SMG1: variants seen among roughly 807,000 people sequenced by gnomAD.
The protein encoded by SMG1 is serine/threonine-protein kinase SMG1.
Under a neutral mutation model 419.9 loss-of-function variants are expected in SMG1, and 22 were observed. The observed-to-expected ratio is 0.05, with a 90% CI of 0.04 to 0.07. The LOEUF is 0.07. SMG1 is among the 10% of genes least tolerant of loss of function. The pLI is 1.00. For missense variants in SMG1, 3,185 were observed against 4,342.0 expected (o/e 0.73, Z 7.49); for synonymous variants, 1,538 against 1,553.5 (o/e 0.99, Z 0.23).
intron 1 of SMG1, among the ~76,000 whole-genome samples, chr16:18,916,089 A>AAAAC (rs2037963310): frequency 1.8e-5 from 2 of 110,236 alleles, no homozygotes; most frequent in Admixed American, 9.5e-5. Context: ...AAAAAAAAAA[A>AAAAC]CCAGAAAAAA....
At chr16:18,881,711 G>C (rs1450769219) in intron 10 of SMG1, among the ~76,000 whole-genome samples, 1 of 151,914 alleles carries the variant, frequency 6.6e-6, no homozygotes, top group African/African-American at 2.4e-5. Flanking sequence ...TTTTTAATTT[G>C]TTTATGTTCT....
At position 18,841,646 on chromosome 16, in the gene SMG1, G is replaced by T. The variant is rs1449528279; in HGVS notation, c.6615C>A (p.Ile2205=). Residue 2205 remains isoleucine, a synonymous_variant, in exon 41 of 63, where the codon ATC becomes ATA. Transcript: ENST00000446231. The part of the protein sequence containing the change: ...VTPLGTRSGL[I]QWVDGATPLF... ...AGGGTGTGGCTCCATCTACCCACTGGATTAGTCCTGATCTTGTTCCTAGTG... is the reference window on the plus strand; with the variant it reads ...AGGGTGTGGCTCCATCTACCCACTGTATTAGTCCTGATCTTGTTCCTAGTG... The T allele has an allele frequency of 1.2e-6, 2 of 1,613,870 alleles. No homozygotes were observed. The highest frequency in any genetic ancestry group is 4.5e-5 in the East Asian group (2 of 44,892).
At position 18,815,281 on chromosome 16, in the gene SMG1, A is replaced by G; in HGVS notation, c.10515T>C (p.Ser3505=). Residue 3505 remains serine, a splice_region_variant and synonymous_variant, in exon 60 of 63, where the codon AGT becomes AGC. Coordinates refer to ENST00000446231, the MANE Select transcript of SMG1 (RefSeq NM_015092.5). ...TLKELKTQSQ[S]IYNNLVSFAS... ...CAAAACTCACTAAATTATTATAGAT[A>G]CTGAAATACAAAATAAAATGGCTTA... 6.4e-7 allele frequency: 1 copy of G among 1,566,572 alleles called. No homozygotes were observed. The highest frequency in any genetic ancestry group is 8.7e-7 in the Non-Finnish European group (1 of 1,152,820).
intron 60 of SMG1, among the ~76,000 whole-genome samples, chr16:18,813,111 G>A (rs866929466): frequency 3.2e-4 from 48 of 151,920 alleles, no homozygotes; most frequent in South Asian, 1.5e-3. Flanking sequence ...GCTATTGTGA[G>A]TAGTGCCGCA....
At chr16:18,816,259 T>A (rs2031989321) in intron 58 of SMG1, 43 bp downstream of exon 58, 1 of 1,454,528 alleles carries the variant, frequency 6.9e-7, no homozygotes, top group African/African-American at 1.4e-5. Context: ...GTAAATTTTA[T>A]AACAGAGGGA....
chr16:18,857,668 T>A (rs939110474), intron 29 of SMG1: 1 of 152,206 alleles, frequency 6.6e-6, no homozygotes, highest in African/African-American at 2.4e-5. Flanking sequence ...CTCAAAGACT[T>A]GCACATGAAT....
chr16:18,863,949 T>C, intron 24 of SMG1, 53 bp downstream of exon 24: 1 of 1,551,994 alleles, frequency 6.4e-7, no homozygotes, highest in Non-Finnish European at 8.7e-7. Flanking sequence ...AGATCATCAG[T>C]ACGAAATATA....
chr16:18,851,626 T>C (rs570343058), intron 33 of SMG1, among the ~76,000 whole-genome samples: 1 of 152,330 alleles, frequency 6.6e-6, no homozygotes, highest in Non-Finnish European at 1.5e-5. Context: ...AGTAGTGTGA[T>C]CTCACTGCAA....
At chr16:18,917,154 T>C (rs60356797) in intron 1 of SMG1, among the ~76,000 whole-genome samples, 2 of 151,392 alleles carry the variant, frequency 1.3e-5, no homozygotes, top group Non-Finnish European at 3.0e-5. Flanking sequence ...TTAATTTATT[T>C]ATTTATTTAT....
At chr16:18,876,460 A>C (rs1235329358) in intron 12 of SMG1, 67 bp from the exon 13 acceptor site, 4 of 1,479,172 alleles carry the variant, frequency 2.7e-6, no homozygotes, top group Non-Finnish European at 3.7e-6. Flanking sequence ...TATGGAAAAT[A>C]AATCACTATC....
At chr16:18,855,548 G>C (rs2034849903) in intron 29 of SMG1, among the ~76,000 whole-genome samples, 1 of 152,064 alleles carries the variant, frequency 6.6e-6, no homozygotes, top group Non-Finnish European at 1.5e-5. Flanking sequence ...ATGCCAAATG[G>C]AGCTCATTTT....
chr16:18,885,888 G>A (rs1305180150), intron 6 of SMG1, among the ~76,000 whole-genome samples: 1 of 151,996 alleles, frequency 6.6e-6, no homozygotes, highest in Non-Finnish European at 1.5e-5. Context: ...AGAGGTTGCA[G>A]TGAGCTGAGA....
chr16:18,819,173 A>C (rs2032292891), intron 56 of SMG1, among the ~76,000 whole-genome samples: 1 of 152,238 alleles, frequency 6.6e-6, no homozygotes, highest in African/African-American at 2.4e-5. Flanking sequence ...TAATATTCCA[A>C]GTACCTTTCC....
Position 18,841,041 on chromosome 16 carries a change from C to CA in SMG1, c.6696+523dup, listed in dbSNP as rs555684103. ...TACCACTGCACTCTAGCCTGGACAA[C>CA]AGAGCAAGACCCTGTCCCTTTAAAA... On this transcript the variant is annotated intron_variant, in intron 41 of 62. Coordinates refer to ENST00000446231, the MANE Select transcript of SMG1 (RefSeq NM_015092.5). Among the ~76,000 whole-genome samples the CA allele has an allele frequency of 3.9e-4, 59 of 152,156 alleles. No individual in the cohort carries two copies. The East Asian group carries it at 0.011, about 28-fold the overall frequency.
At chr16:18,885,453 G>A (rs2036573128) in intron 7 of SMG1, 88 bp downstream of exon 7, 1 of 1,484,030 alleles carries the variant, frequency 6.7e-7, no homozygotes. Flanking sequence ...AGGAGCTGAG[G>A]CATTGTTTTC....
intron 18 of SMG1, 44 bp from the exon 19 acceptor site, chr16:18,870,038 A>T: frequency 7.1e-7 from 1 of 1,401,516 alleles, no homozygotes; most frequent in Non-Finnish European, 9.7e-7. Flanking sequence ...ATTTTAGCTT[A>T]AAAGGTTAGC....
In SMG1 at chr16:18,914,964, A is replaced by T. The variant is rs536814391; in HGVS notation, c.92+10986T>A. On this transcript the variant is annotated intron_variant, in intron 1 of 62. Transcript: ENST00000446231. Reference sequence around the variant, plus strand: ...ATATTTTTTTTTTTTTTTTTCTGAGACGGAGTTTTTTTTCCTCTTGTTGCC... The same window carrying T: ...ATATTTTTTTTTTTTTTTTTCTGAGTCGGAGTTTTTTTTCCTCTTGTTGCC... 2.1e-5 allele frequency among the ~76,000 whole-genome samples: 3 copies of T among 144,272 alleles called. No individual in the cohort carries two copies. The South Asian group carries it at 6.6e-4, about 32-fold the overall frequency. 94.6% of individuals were successfully genotyped at this position (144,272 alleles called of 152,430 possible). A position where few individuals can be genotyped will look rare whatever the true frequency, so the allele number is the denominator to read the frequency against.
intron 1 of SMG1, among the ~76,000 whole-genome samples, chr16:18,924,425 AAAT>A (rs1181315158): frequency 3.9e-4 from 60 of 152,352 alleles, no homozygotes; most frequent in Admixed American, 2.6e-4. Flanking sequence ...AAAGGTTACT[AAAT>A]TCTCTTATAT....
intron 25 of SMG1, among the ~76,000 whole-genome samples, chr16:18,862,783 C>G (rs1806474171): frequency 6.6e-6 from 1 of 152,216 alleles, no homozygotes; most frequent in South Asian, 2.1e-4. Flanking sequence ...CAGTTCCCAG[C>G]TACTTCTCTG....
Sources: allele counts gnomAD v4.1 joint callset (sites outside exome capture counted in the v4.1 genomes callset), GRCh38; gene constraint gnomAD v4.1.1; transcripts MANE v1.5; gene names NCBI Gene and HGNC (gene_info 2026-07-23, HGNC 2026-07-21).